CPQ: variants seen among roughly 807,000 people sequenced by gnomAD.
CPQ encodes carboxypeptidase Q, also known as Ser-Met dipeptidase.
A neutral mutation model predicts 45.7 loss-of-function variants in CPQ; 37 were observed. The ratio of observed to expected loss-of-function variants is 0.81; its 90% CI spans 0.62 to 1.07. CPQ has a LOEUF of 1.07. Among genes scored for constraint, CPQ ranks in the 50% least tolerant of loss-of-function variants. The probability of loss-of-function intolerance (pLI) is 0.00; values close to 1 mark genes in which losing one functional copy is unlikely to be tolerated. For missense variants in CPQ, 537 were observed against 572.9 expected (o/e 0.94, Z 0.64); for synonymous variants, 186 against 205.8 (o/e 0.90, Z 0.82).
intron 4 of CPQ, among the ~76,000 whole-genome samples, chr8:96,945,759 G>T (rs768052408): frequency 6.6e-6 from 1 of 152,080 alleles, no homozygotes; most frequent in Non-Finnish European, 1.5e-5. Flanking sequence ...TTGTTCGCTT[G>T]TCCCCATTTT....
chr8:97,113,412 A>T lies in CPQ; in HGVS notation c.1256-29608A>T, dbSNP rs188128833. On this transcript the variant is annotated intron_variant, in intron 7 of 7. Coordinates refer to ENST00000220763, the MANE Select transcript of CPQ (RefSeq NM_016134.4). ...GTTTTAGAATGAAGAGGATGAGTGA[A>T]TGAATGTTTGGTGAGAAGCAATTAC... is the stretch of plus-strand genomic sequence containing the variant. Among the ~76,000 whole-genome samples the T allele has an allele frequency of 8.5e-5, 13 of 152,320 alleles. No homozygotes were observed. In the East Asian group the frequency reaches 1.9e-3, roughly 23 times the overall value.
chr8:96,692,496 G>C (rs957899616), intron 1 of CPQ, among the ~76,000 whole-genome samples: 3 of 151,692 alleles, frequency 2.0e-5, no homozygotes, highest in African/African-American at 7.3e-5. Flanking sequence ...GACAGACTCT[G>C]TTTGTTTGAG....
chr8:96,827,177 T>A (rs1811391180), intron 2 of CPQ, among the ~76,000 whole-genome samples: 1 of 152,100 alleles, frequency 6.6e-6, no homozygotes, highest in Non-Finnish European at 1.5e-5. Context: ...TGGGTGGGCA[T>A]GAGTTTTAAG....
At chr8:97,068,330 T>C (rs999825760) in intron 7 of CPQ, among the ~76,000 whole-genome samples, 12 of 152,070 alleles carry the variant, frequency 7.9e-5, no homozygotes, top group African/African-American at 2.9e-4. Context: ...CCCATTATGG[T>C]TGTATAAGAA....
At chr8:96,949,678 GT>G (rs1813233887) in intron 4 of CPQ, among the ~76,000 whole-genome samples, 1 of 152,030 alleles carries the variant, frequency 6.6e-6, no homozygotes, top group Non-Finnish European at 1.5e-5. Flanking sequence ...TTGTAGTTTT[GT>G]TTTTAGCTTC....
chr8:97,105,836 TA>T (rs1348544530), intron 7 of CPQ, among the ~76,000 whole-genome samples: 1 of 152,244 alleles, frequency 6.6e-6, no homozygotes, highest in Non-Finnish European at 1.5e-5. Context: ...TAATTTCCTA[TA>T]CAGTACTTTC....
At chr8:96,878,269 A>G (rs1812175062) in intron 3 of CPQ, among the ~76,000 whole-genome samples, 1 of 152,148 alleles carries the variant, frequency 6.6e-6, no homozygotes, top group Non-Finnish European at 1.5e-5. Context: ...CCCGGCTTGC[A>G]GTCTACTTTT....
At chr8:96,716,161 G>A (rs537857434) in intron 1 of CPQ, among the ~76,000 whole-genome samples, 86 of 152,294 alleles carry the variant, frequency 5.6e-4, no homozygotes, top group African/African-American at 1.9e-3. Context: ...TCTGGCCTGG[G>A]CGCTGTGTCA....
intron 4 of CPQ, among the ~76,000 whole-genome samples, chr8:96,931,194 AC>A (rs1423144100): frequency 1.3e-5 from 2 of 152,132 alleles, no homozygotes; most frequent in African/African-American, 4.8e-5. Context: ...AGGGATGAAA[AC>A]CTTTTTGCCT....
At chr8:96,818,485 T>C (rs1404232009) in intron 2 of CPQ, among the ~76,000 whole-genome samples, 1 of 151,992 alleles carries the variant, frequency 6.6e-6, no homozygotes, top group African/African-American at 2.4e-5. Flanking sequence ...ATGGATAGAC[T>C]TGCTTGATGT....
chr8:96,796,603 GC>G (rs1371340524), intron 2 of CPQ, among the ~76,000 whole-genome samples: 2 of 152,092 alleles, frequency 1.3e-5, no homozygotes, highest in African/African-American at 4.8e-5. Context: ...CTATCAAAGT[GC>G]TCTAAGGAAC....
intron 6 of CPQ, among the ~76,000 whole-genome samples, chr8:97,031,638 C>T (rs1340245621): frequency 5.9e-5 from 9 of 152,190 alleles, no homozygotes; most frequent in Non-Finnish European, 1.2e-4. Context: ...CCTATCAAAG[C>T]ACATGGATGA....
intron 7 of CPQ, 129 bp from the exon 8 acceptor site, chr8:97,142,891 C>A: frequency 1.3e-6 from 1 of 777,726 alleles, no homozygotes; most frequent in Middle Eastern, 3.9e-4. Flanking sequence ...GCAAGAGAGC[C>A]TGGAAAAGTA....
At chr8:96,830,279 A>G (rs1235229042) in intron 2 of CPQ, among the ~76,000 whole-genome samples, 3 of 152,152 alleles carry the variant, frequency 2.0e-5, no homozygotes, top group Non-Finnish European at 2.9e-5. Context: ...TTTTATTTTG[A>G]TGGTAGAAAA....
chr8:97,021,427 C>G (rs1358768335), intron 5 of CPQ, among the ~76,000 whole-genome samples: 1 of 151,728 alleles, frequency 6.6e-6, no homozygotes. Context: ...CTCCCGCTGT[C>G]TGCTGATGAT....
intron 5 of CPQ, among the ~76,000 whole-genome samples, chr8:96,968,309 G>A (rs542541519): frequency 1.3e-5 from 2 of 152,150 alleles, no homozygotes; most frequent in Admixed American, 1.3e-4. Context: ...TTAATGCCCA[G>A]TATCTACTCT....
At chr8:97,081,205 A>G (rs1484620971) in intron 7 of CPQ, among the ~76,000 whole-genome samples, 1 of 152,156 alleles carries the variant, frequency 6.6e-6, no homozygotes, top group Non-Finnish European at 1.5e-5. Flanking sequence ...TACCTTTAGC[A>G]CTATACTGCG....
At chr8:97,039,808 T>C (rs1278360148) in intron 6 of CPQ, among the ~76,000 whole-genome samples, 2 of 152,198 alleles carry the variant, frequency 1.3e-5, no homozygotes, top group East Asian at 3.8e-4. Context: ...ACAAAGGACA[T>C]GAACTCATCA....
intron 7 of CPQ, among the ~76,000 whole-genome samples, chr8:97,096,132 A>G (rs1811207075): frequency 6.6e-6 from 1 of 152,154 alleles, no homozygotes; most frequent in African/African-American, 2.4e-5. Context: ...ATGTTTTTAA[A>G]TGTTTTCCAT....
Sources: gnomAD v4.1 joint callset for allele counts (sites outside exome capture counted in the v4.1 genomes callset) on GRCh38, gnomAD v4.1.1 for gene constraint, MANE v1.5 for transcripts, NCBI Gene and HGNC (gene_info 2026-07-23, HGNC 2026-07-21) for gene names.